DHRS7B: variants seen among roughly 807,000 people sequenced by gnomAD.
The protein encoded by DHRS7B is peroxisomal reductase activating PPAR-gamma.
In DHRS7B, 24 loss-of-function variants were observed where a neutral mutation model predicts 26.4. The ratio of observed to expected loss-of-function variants is 0.91; its 90% CI spans 0.66 to 1.28. The LOEUF is 1.28. Among genes scored for constraint, DHRS7B ranks in the 50% most tolerant of loss-of-function variants. DHRS7B has a pLI of 0.00. For synonymous variants in DHRS7B, 142 were observed against 166.4 expected, an observed-to-expected ratio of 0.85 and a Z score of 1.13; for missense variants, 368 against 419.4, an observed-to-expected ratio of 0.88 and a Z score of 1.07.
chr17:21,140,608 A>G (rs553109362), intron 1 of DHRS7B, among the ~76,000 whole-genome samples: 2 of 151,350 alleles, frequency 1.3e-5, no homozygotes, highest in South Asian at 2.1e-4. Context: ...CTGGCTTGCA[A>G]AAATATCTTG....
At chr17:21,182,843 C>G (rs1339496136) in intron 3 of DHRS7B, among the ~76,000 whole-genome samples, 3 of 152,144 alleles carry the variant, frequency 2.0e-5, no homozygotes, top group Admixed American at 2.0e-4. Context: ...AGATATTGCT[C>G]TATAATTTTC....
At chr17:21,161,205 G>T (rs1250621653) in intron 1 of DHRS7B, among the ~76,000 whole-genome samples, 1 of 152,140 alleles carries the variant, frequency 6.6e-6, no homozygotes, top group Non-Finnish European at 1.5e-5. Context: ...TTGCCCTCTG[G>T]GTAACAATGA....
intron 1 of DHRS7B, among the ~76,000 whole-genome samples, chr17:21,143,427 T>C (rs371365095): frequency 6.2e-4 from 95 of 152,348 alleles, no homozygotes; most frequent in African/African-American, 2.2e-3. Flanking sequence ...AAAGCTGTCA[T>C]GTGAGAAATA....
In DHRS7B at chr17:21,184,470, ACTT is replaced by A. The variant is rs1476301621; in HGVS notation, c.619+10_619+12del. 5.6e-6 allele frequency: 9 copies of A among 1,610,156 alleles called. No homozygotes were observed. The highest frequency in any genetic ancestry group is 1.7e-6 in the Non-Finnish European group (2 of 1,178,236). On this transcript the variant is annotated splice_region_variant and intron_variant, in intron 5 of 6. Coordinates refer to ENST00000395511, the MANE Select transcript of DHRS7B (RefSeq NM_015510.5). ...ATTCCTTTTCGATCAGCATGTGAGT[ACTT>A]CTCTCTCCCACAAAATGCTTGGCTT... is the stretch of plus-strand genomic sequence containing the variant.
intron 1 of DHRS7B, among the ~76,000 whole-genome samples, chr17:21,159,102 T>C (rs1973942044): frequency 6.6e-6 from 1 of 152,130 alleles, no homozygotes; most frequent in African/African-American, 2.4e-5. Flanking sequence ...TCGGGTATGG[T>C]GGTGACTTTT....
chr17:21,156,628 AT>A, intron 1 of DHRS7B, among the ~76,000 whole-genome samples: 1 of 146,302 alleles, frequency 6.8e-6, no homozygotes, highest in South Asian at 2.2e-4. Context: ...AATAAAAAAA[AT>A]AAGCCGGGCG....
chr17:21,132,114 TG>T (rs1369301311), intron 1 of DHRS7B, among the ~76,000 whole-genome samples: 15 of 152,178 alleles, frequency 9.9e-5, no homozygotes, highest in Middle Eastern at 3.2e-3. Context: ...CAGCAGCCTC[TG>T]GAACTAGAAT....
intron 1 of DHRS7B, among the ~76,000 whole-genome samples, chr17:21,129,054 C>T (rs1973169691): frequency 1.3e-5 from 2 of 152,104 alleles, no homozygotes; most frequent in African/African-American, 2.4e-5. Flanking sequence ...TACAGTGTAC[C>T]AGCATTGTGC....
chr17:21,178,465 G>T lies in DHRS7B; in HGVS notation c.309+123G>T, dbSNP rs530768226. The T allele has an allele frequency of 1.7e-4, 135 of 783,438 alleles. No homozygotes were observed. The East Asian group carries it at 2.5e-3, about 15-fold the overall frequency. The allele number at this position is 783,438 out of a possible 1,614,324, so 48.5% of individuals were successfully genotyped here. A position where few individuals can be genotyped will look rare whatever the true frequency, so the allele number is the denominator to read the frequency against. On this transcript the variant is annotated intron_variant, in intron 3 of 6. Coordinates refer to ENST00000395511, the MANE Select transcript of DHRS7B (RefSeq NM_015510.5). ...GACATCCATGCGTCACACTGTCCCA[G>T]GGAAGGCAGCAGGTCTCCATAGCGA... is the stretch of plus-strand genomic sequence containing the variant.
At chr17:21,189,467 G>T (rs1219166256) in intron 6 of DHRS7B, among the ~76,000 whole-genome samples, 1 of 152,224 alleles carries the variant, frequency 6.6e-6, no homozygotes, top group Non-Finnish European at 1.5e-5. Flanking sequence ...AGCCCTTGGA[G>T]CTGGTGCTGC....
At chr17:21,139,285 C>T (rs1973435903) in intron 1 of DHRS7B, among the ~76,000 whole-genome samples, 2 of 152,172 alleles carry the variant, frequency 1.3e-5, no homozygotes, top group South Asian at 4.1e-4. Context: ...TTAAAAATTA[C>T]ACAAGCGAAG....
chr17:21,168,026 GCC>G (rs1225820561), intron 1 of DHRS7B, among the ~76,000 whole-genome samples: 3 of 152,136 alleles, frequency 2.0e-5, no homozygotes, highest in Admixed American at 6.5e-5. Context: ...CTGGTAGAAA[GCC>G]CTGGACACCA....
At chr17:21,130,539 C>T (rs992561329) in intron 1 of DHRS7B, among the ~76,000 whole-genome samples, 1 of 151,894 alleles carries the variant, frequency 6.6e-6, no homozygotes, top group African/African-American at 2.4e-5. Context: ...GTTTATTTAG[C>T]CTTTAAAAAG....
rs946529073 is a variant in DHRS7B, at chr17:21,166,546, A to G, written c.21-5472A>G. ...CTTCTCAGACATTTGAGACCAAAAAAAAAAAAAGGCAGTTTGACCCTGCCT... is the reference window on the plus strand; with the variant it reads ...CTTCTCAGACATTTGAGACCAAAAAGAAAAAAAGGCAGTTTGACCCTGCCT... On this transcript the variant is annotated intron_variant, in intron 1 of 6. Transcript: ENST00000395511. 6 of 895,756 alleles carry G rather than the reference A, an allele frequency of 6.7e-6. No individual in the cohort carries two copies. The African/African-American group carries it at 9.0e-5, about 13-fold the overall frequency. The allele number at this position is 895,756 out of a possible 1,614,324, so 55.5% of individuals were successfully genotyped here. A position where few individuals can be genotyped will look rare whatever the true frequency, so the allele number is the denominator to read the frequency against.
chr17:21,149,924 C>T (rs1356072720), intron 1 of DHRS7B, among the ~76,000 whole-genome samples: 1 of 151,982 alleles, frequency 6.6e-6, no homozygotes, highest in Non-Finnish European at 1.5e-5. Context: ...TCAATAATAA[C>T]ACTGAATGTT....
Position 21,191,210 on chromosome 17 carries a change from T to A in DHRS7B, c.*57T>A. The A allele has an allele frequency of 6.5e-7, 1 of 1,544,262 alleles. No individual in the cohort carries two copies. The highest frequency in any genetic ancestry group is 8.9e-7 in the Non-Finnish European group (1 of 1,122,676). On this transcript the variant is annotated 3_prime_UTR_variant, in exon 7 of 7. Transcript: ENST00000395511. ...GCAGCACTCTTAGGCTTGCTTACTC[T>A]ACAAGGGACAGTTGCATTTGTTGAG... is the stretch of plus-strand genomic sequence containing the variant.
At chr17:21,155,455 C>T (rs1004315285) in intron 1 of DHRS7B, among the ~76,000 whole-genome samples, 2 of 152,120 alleles carry the variant, frequency 1.3e-5, no homozygotes, top group Non-Finnish European at 2.9e-5. Flanking sequence ...AATGTATATA[C>T]ACATAATAGA....
At chr17:21,137,646 G>A (rs913000633) in intron 1 of DHRS7B, among the ~76,000 whole-genome samples, 3 of 151,918 alleles carry the variant, frequency 2.0e-5, no homozygotes, top group African/African-American at 7.2e-5. Flanking sequence ...TAGTAGAGAC[G>A]GGGTTTCTCC....
chr17:21,137,046 C>G (rs1162170329), intron 1 of DHRS7B, among the ~76,000 whole-genome samples: 3 of 150,230 alleles, frequency 2.0e-5, no homozygotes, highest in African/African-American at 7.4e-5. Context: ...TCTCAGCTCA[C>G]TGCAACCTCT....
Sources: gnomAD v4.1 joint callset for allele counts (sites outside exome capture counted in the v4.1 genomes callset) on GRCh38, gnomAD v4.1.1 for gene constraint, MANE v1.5 for transcripts, NCBI Gene and HGNC (gene_info 2026-07-23, HGNC 2026-07-21) for gene names.